The following ADAMTS18 variants were observed in gnomAD, a reference collection of about 807,000 sequenced individuals.
The protein encoded by ADAMTS18 is A disintegrin and metalloproteinase with thrombospondin motifs 18.
A neutral mutation model predicts 165.9 loss-of-function variants in ADAMTS18; 157 were observed. The ratio of observed to expected loss-of-function variants is 0.95; its 90% CI spans 0.83 to 1.08. The LOEUF (loss-of-function observed/expected upper bound fraction) is 1.08. ADAMTS18 is among the 50% of genes least tolerant of loss of function. ADAMTS18 has a pLI of 0.00. For synonymous variants in ADAMTS18, 782 were observed against 578.2 expected (o/e 1.35, Z -5.06); for missense variants, 2,040 against 1,534.0 (o/e 1.33, Z -5.51).
chr16:77,395,745 T>A (rs533519056), intron 3 of ADAMTS18, among the ~76,000 whole-genome samples: 224 of 151,358 alleles, frequency 1.5e-3, no homozygotes, highest in African/African-American at 5.0e-3. Context: ...ACTAAGGATT[T>A]AAAAAAAAAT....
chr16:77,401,168 T>A (rs2057326904), intron 3 of ADAMTS18, among the ~76,000 whole-genome samples: 1 of 151,932 alleles, frequency 6.6e-6, no homozygotes, highest in African/African-American at 2.4e-5. Context: ...GGCAGGAGAA[T>A]TGCTTGAACC....
intron 16 of ADAMTS18, among the ~76,000 whole-genome samples, chr16:77,310,470 T>C (rs2055759857): frequency 6.6e-6 from 1 of 152,172 alleles, no homozygotes; most frequent in African/African-American, 2.4e-5. Context: ...GTCACATAGT[T>C]TGTAGCAGAG....
At chr16:77,293,543 G>A (rs146246591) in intron 19 of ADAMTS18, among the ~76,000 whole-genome samples, 1,612 of 151,704 alleles carry the variant, frequency 0.011, 19 homozygotes, top group South Asian at 0.048. Flanking sequence ...TGCTATAAAG[G>A]AATATATTCT....
intron 18 of ADAMTS18, 93 bp from the exon 19 acceptor site, chr16:77,295,220 C>A: frequency 2.3e-6 from 3 of 1,310,566 alleles, no homozygotes; most frequent in Non-Finnish European, 3.3e-6. Context: ...CCTATGGAAG[C>A]CATGAATCAA....
chr16:77,352,709 G>C (rs1423992557), intron 10 of ADAMTS18, among the ~76,000 whole-genome samples: 1 of 151,876 alleles, frequency 6.6e-6, no homozygotes, highest in Admixed American at 6.6e-5. Flanking sequence ...GAGTAGAGGG[G>C]GAAAGAGGAG....
intron 22 of ADAMTS18, 52 bp from the exon 23 acceptor site, chr16:77,284,123 CTT>C (rs34369567): frequency 0.11 from 100,476 of 932,452 alleles, 1,991 homozygotes; most frequent in African/African-American, 0.18. Context: ...TATCCTTTTT[CTT>C]TTTTTTTTTT....
chr16:77,347,755 G>A (rs967141633), intron 10 of ADAMTS18, among the ~76,000 whole-genome samples: 23 of 152,022 alleles, frequency 1.5e-4, no homozygotes, highest in African/African-American at 5.6e-4. Flanking sequence ...GATTGGCACT[G>A]GTACCATTTT....
chr16:77,296,048 A>T (rs986805799), intron 18 of ADAMTS18, among the ~76,000 whole-genome samples: 2 of 152,082 alleles, frequency 1.3e-5, no homozygotes, highest in Non-Finnish European at 2.9e-5. Flanking sequence ...ATATACGCAC[A>T]TCTTTATATA....
At chr16:77,339,315 T>C (rs1597142951) in intron 11 of ADAMTS18, among the ~76,000 whole-genome samples, 1 of 152,122 alleles carries the variant, frequency 6.6e-6, no homozygotes, top group Non-Finnish European at 1.5e-5. Flanking sequence ...GACATTACAC[T>C]TAAGGGCTTT....
At chr16:77,323,557 CTTTT>C (rs34433387) in intron 13 of ADAMTS18, among the ~76,000 whole-genome samples, 1 of 141,078 alleles carries the variant, frequency 7.1e-6, no homozygotes, top group Admixed American at 7.0e-5. Flanking sequence ...TAGAAAGTTC[CTTTT>C]TTTTTTTTTT....
At chr16:77,418,057 A>G (rs138388296) in intron 3 of ADAMTS18, among the ~76,000 whole-genome samples, 1 of 152,190 alleles carries the variant, frequency 6.6e-6, no homozygotes. Context: ...TTATAAATAC[A>G]TCTCTGTTTC....
At chr16:77,357,173 T>C (rs979937167) in intron 8 of ADAMTS18, among the ~76,000 whole-genome samples, 2 of 152,132 alleles carry the variant, frequency 1.3e-5, no homozygotes, top group Non-Finnish European at 1.5e-5. Flanking sequence ...ATTTCATTTA[T>C]AGAGTTCGCC....
chr16:77,387,404 A>G (rs928065774), intron 3 of ADAMTS18, among the ~76,000 whole-genome samples: 1 of 152,186 alleles, frequency 6.6e-6, no homozygotes, highest in Admixed American at 6.5e-5. Flanking sequence ...TCATAAACCA[A>G]ATATGTCTAG....
At chr16:77,346,792 G>A (rs141308925) in intron 10 of ADAMTS18, among the ~76,000 whole-genome samples, 29 of 152,232 alleles carry the variant, frequency 1.9e-4, no homozygotes, top group Non-Finnish European at 3.4e-4. Context: ...GAATTGCCCC[G>A]ATGCCATTTT....
intron 3 of ADAMTS18, among the ~76,000 whole-genome samples, chr16:77,371,490 T>A (rs2880521): frequency 0.32 from 48,028 of 151,898 alleles, 8,591 homozygotes; most frequent in East Asian, 0.57. Flanking sequence ...ATCTACAGCC[T>A]ATTAATTTTT....
At chr16:77,289,671 AAAG>A (rs1364085055) in intron 21 of ADAMTS18, among the ~76,000 whole-genome samples, 1 of 152,230 alleles carries the variant, frequency 6.6e-6, no homozygotes, top group Non-Finnish European at 1.5e-5. Context: ...ACTCACTCAT[AAAG>A]AAGAGAAGCT....
At chr16:77,391,172 A>G (rs2057181202) in intron 3 of ADAMTS18, among the ~76,000 whole-genome samples, 1 of 152,210 alleles carries the variant, frequency 6.6e-6, no homozygotes, top group Admixed American at 6.5e-5. Context: ...GTGCCAGATT[A>G]GAAACCAAAT....
At chr16:77,375,890 CTTTTTTTTTTTTTTTTTTTTT>C (rs200629744) in intron 3 of ADAMTS18, among the ~76,000 whole-genome samples, 6 of 93,904 alleles carry the variant, frequency 6.4e-5, no homozygotes, top group African/African-American at 2.2e-4. Context: ...TCTTTCTTTC[CTTTTTTTTTTTTTTTTTTTTT>C]TTTTTTTTTG....
Position 77,431,278 on chromosome 16 carries a change from G to T in ADAMTS18, c.495+17C>A. 1 of 1,614,046 alleles carries T rather than the reference G, an allele frequency of 6.2e-7. No individual in the cohort carries two copies. The highest frequency in any genetic ancestry group is 8.5e-7 in the Non-Finnish European group (1 of 1,179,952). ...AACACGAAAGAGGGAGCTCAACTCA[G>T]ACTGGGGTGTACTTACCAAGCCAGC... On this transcript the variant is annotated intron_variant, in intron 3 of 22. Coordinates refer to ENST00000282849, the MANE Select transcript of ADAMTS18 (RefSeq NM_199355.4).
Sources: gnomAD v4.1 joint callset for allele counts (sites outside exome capture counted in the v4.1 genomes callset) on GRCh38, gnomAD v4.1.1 for gene constraint, MANE v1.5 for transcripts, NCBI Gene and HGNC (gene_info 2026-07-23, HGNC 2026-07-21) for gene names.